KLF17: variants seen among roughly 807,000 people sequenced by gnomAD.
KLF17 encodes the protein Krueppel-like factor 17.
Under a neutral mutation model 34.2 loss-of-function variants are expected in KLF17, and 31 were observed. That is an observed-to-expected ratio of 0.91 (90% confidence interval 0.68 to 1.22). KLF17 has a LOEUF of 1.22. Ranked by LOEUF, KLF17 falls within the 50% of genes most tolerant of loss-of-function variation. KLF17 has a pLI of 0.00. For synonymous variants in KLF17, 179 were observed against 186.7 expected, an observed-to-expected ratio of 0.96 and a Z score of 0.34; for missense variants, 478 against 505.2, an observed-to-expected ratio of 0.95 and a Z score of 0.52.
At position 44,130,587 on chromosome 1, in the gene KLF17, T is replaced by C. The variant is rs2088096105; in HGVS notation, c.1001T>C (p.Met334Thr). 3 of 1,614,118 alleles carry C rather than the reference T, an allele frequency of 1.9e-6. No homozygotes were observed. The highest frequency in any genetic ancestry group is 1.3e-5 in the African/African-American group (1 of 75,036). Reference sequence around the variant, plus strand: ...CGTTCTGATGAGCTTAGACGACATATGCGGGTACACACCAGATATCGACCA... The same window carrying C: ...CGTTCTGATGAGCTTAGACGACATACGCGGGTACACACCAGATATCGACCA... ...FFRSDELRRH[M>T]RVHTRYRPYK... The change falls in exon 3 of 4, where the codon ATG becomes ACG. Residue 334 changes from methionine to threonine, a missense_variant. Physicochemically the swap from Met to Thr is moderately conservative, Grantham distance 81 (BLOSUM62 -1). Transcript: ENST00000372299.
At chr1:44,057,480 G>A in the KLF17 span, among the ~76,000 whole-genome samples, 12 of 152,304 alleles carry the variant, frequency 7.9e-5, 1 homozygote, top group South Asian at 2.3e-3. Flanking sequence ...CCTTATTTGA[G>A]GAAGTGCTCC....
At chr1:44,064,683 G>A in the KLF17 span, among the ~76,000 whole-genome samples, 1 of 152,266 alleles carries the variant, frequency 6.6e-6, no homozygotes, top group Non-Finnish European at 1.5e-5. Context: ...GCCATGTTAC[G>A]TGAATTTATT....
chr1:44,123,699 G>A (rs776035671), intron 1 of KLF17, among the ~76,000 whole-genome samples: 1 of 151,966 alleles, frequency 6.6e-6, no homozygotes, highest in Non-Finnish European at 1.5e-5. Flanking sequence ...TAAACCAGTA[G>A]GTTTTCCCCT....
the KLF17 span, among the ~76,000 whole-genome samples, chr1:44,091,652 AAAAG>A: frequency 2.6e-5 from 4 of 151,036 alleles, no homozygotes; most frequent in African/African-American, 7.3e-5. Context: ...AAAAAAAAAA[AAAAG>A]AAGAACAAGA....
At position 44,127,530 on chromosome 1, in the gene KLF17, C is replaced by A. The variant is rs530330196; in HGVS notation, c.82-1823C>A. On this transcript the variant is annotated intron_variant, in intron 1 of 3. Coordinates refer to ENST00000372299, the MANE Select transcript of KLF17 (RefSeq NM_173484.4). ...CCTTCCTTCCTTCCCTCCCTCCCTC[C>A]TTCCCTCCTTCCTTCCTTCCTTCCT... 2.0e-5 allele frequency among the ~76,000 whole-genome samples: 3 copies of A among 147,182 alleles called. No individual in the cohort carries two copies. The East Asian group carries it at 6.9e-4, about 34-fold the overall frequency.
rs1295269737 is a variant in KLF17 at position 44,130,052 on chromosome 1, A to G, written c.781A>G (p.Thr261Ala). Residue 261 changes from threonine (T) to alanine (A), a missense_variant, in exon 2 of 4, where the codon ACA (threonine) becomes GCA (alanine). Transcript: ENST00000372299. ...LPEQPGPAPQ[T>A]VEKNSRPQEG... ...AGAGCAGCCCGGACCTGCTCCACAG[A>G]CAGTAGAGAAGAACTCCAGGCCTCA... 6.2e-7 allele frequency: 1 copy of G among 1,614,186 alleles called. No individual in the cohort carries two copies. Among genetic ancestry groups the G allele is most frequent in the Non-Finnish European group, 8.5e-7 (1 of 1,180,034 alleles).
At chr1:44,113,705 C>T in the KLF17 span, 1 of 152,198 alleles carries the variant, frequency 6.6e-6, no homozygotes. Flanking sequence ...GCATTAGTTT[C>T]CATGTGTATA....
At chr1:44,132,993 G>A (rs569679093) in intron 3 of KLF17, among the ~76,000 whole-genome samples, 1 of 152,322 alleles carries the variant, frequency 6.6e-6, no homozygotes, top group East Asian at 1.9e-4. Context: ...TAAGAAGATG[G>A]TGCCTTCTAT....
chr1:44,120,856 C>T (rs568430782), intron 1 of KLF17, among the ~76,000 whole-genome samples: 6 of 152,158 alleles, frequency 3.9e-5, no homozygotes, highest in Non-Finnish European at 8.8e-5. Context: ...TGGTGGCTCA[C>T]ACCTGTAGTC....
At chr1:44,103,340 G>A in the KLF17 span, 6 of 652,690 alleles carry the variant, frequency 9.2e-6, no homozygotes, top group South Asian at 3.0e-5. Flanking sequence ...CTCGGACACC[G>A]GACTCGGACA....
At chr1:44,096,404 CTT>C in the KLF17 span, among the ~76,000 whole-genome samples, 1 of 144,346 alleles carries the variant, frequency 6.9e-6, no homozygotes, top group Non-Finnish European at 1.5e-5. Flanking sequence ...ATTTATTTTT[CTT>C]TTTTTTTTTT....
intron 1 of KLF17, among the ~76,000 whole-genome samples, chr1:44,124,958 G>C (rs2087991316): frequency 6.6e-6 from 1 of 152,072 alleles, no homozygotes; most frequent in Non-Finnish European, 1.5e-5. Context: ...TTCAGTTACT[G>C]ATCTCACTAA....
chr1:44,114,781 A>G (rs777294693), upstream of KLF17: 2 of 152,232 alleles, frequency 1.3e-5, no homozygotes, highest in Non-Finnish European at 2.9e-5. Flanking sequence ...TACTGTTGAA[A>G]TACTCCTCTC....
chr1:44,124,677 G>A (rs536373968), intron 1 of KLF17, among the ~76,000 whole-genome samples: 71 of 152,060 alleles, frequency 4.7e-4, no homozygotes, highest in African/African-American at 1.7e-3. Flanking sequence ...TGTATTTTTA[G>A]TAGAGATGGG....
At chr1:44,098,482 T>A in the KLF17 span, among the ~76,000 whole-genome samples, 3 of 150,900 alleles carry the variant, frequency 2.0e-5, no homozygotes, top group Admixed American at 6.6e-5. Context: ...TATTATTATT[T>A]TTTTTAAAAA....
chr1:44,058,614 A>G, the KLF17 span, among the ~76,000 whole-genome samples: 2 of 142,284 alleles, frequency 1.4e-5, no homozygotes, highest in East Asian at 2.3e-4. Context: ...ATATGTAAGG[A>G]TGACTCCAAA....
At chr1:44,100,123 C>A in the KLF17 span, among the ~76,000 whole-genome samples, 1 of 147,484 alleles carries the variant, frequency 6.8e-6, no homozygotes. Flanking sequence ...CACAAATTAG[C>A]TGGGCATGGT....
At chr1:44,050,111 A>C in the KLF17 span, among the ~76,000 whole-genome samples, 9 of 152,348 alleles carry the variant, frequency 5.9e-5, no homozygotes, top group East Asian at 1.7e-3. Flanking sequence ...ATAGCATCGC[A>C]TGGTTTTATA....
At chr1:44,054,591 C>T in the KLF17 span, among the ~76,000 whole-genome samples, 2 of 149,826 alleles carry the variant, frequency 1.3e-5, no homozygotes, top group South Asian at 2.1e-4. Context: ...TGCCATTCTC[C>T]TGCCGCAGCC....
Sources: gnomAD v4.1 joint callset for allele counts (sites outside exome capture counted in the v4.1 genomes callset) on GRCh38, gnomAD v4.1.1 for gene constraint, MANE v1.5 for transcripts, NCBI Gene and HGNC (gene_info 2026-07-23, HGNC 2026-07-21) for gene names.